CPNE3: variants seen among roughly 807,000 people sequenced by gnomAD.
The protein encoded by CPNE3 is copine-3.
CPNE3 carries 68 observed loss-of-function variants against 63.9 expected under a neutral mutation model. The observed-to-expected ratio is 1.06, with a 90% CI of 0.87 to 1.30. The LOEUF (loss-of-function observed/expected upper bound fraction) is 1.30. Among genes scored for constraint, CPNE3 ranks in the 50% most tolerant of loss-of-function variants. CPNE3 has a pLI of 0.00. For synonymous variants in CPNE3, 219 were observed against 197.5 expected (o/e 1.11, Z -0.91); for missense variants, 665 against 578.1 (o/e 1.15, Z -1.54).
intron 1 of CPNE3, 153 bp downstream of exon 1, chr8:86,514,694 G>C (rs1193299478): frequency 6.6e-6 from 1 of 152,206 alleles, no homozygotes; most frequent in Non-Finnish European, 1.5e-5. Context: ...GAAGTGCTCC[G>C]TGGGCTTCGC....
chr8:86,514,752 G>C (rs543757179), intron 1 of CPNE3: 1 of 152,248 alleles, frequency 6.6e-6, no homozygotes, highest in South Asian at 2.1e-4. Flanking sequence ...GCTAGGTCGC[G>C]GCCTGGCTGG....
At chr8:86,537,777 C>A (rs559903216) in intron 7 of CPNE3, 131 bp downstream of exon 7, 24 of 625,322 alleles carry the variant, frequency 3.8e-5, no homozygotes, top group Non-Finnish European at 6.2e-5. Flanking sequence ...GACACAAGAT[C>A]ACCATGTTCA....
Position 86,551,203 on chromosome 8 carries a change from G to A in CPNE3, c.1089G>A (p.Met363Ile). Reference protein sequence around the residue: ...PQWQVSHEFPMNFNPSNPYCN... With the variant: ...PQWQVSHEFPINFNPSNPYCN... The stretch of plus-strand genomic sequence containing the variant: ...GACAGGTATCACATGAATTTCCAAT[G>A]AACTTCAACCCATCCAATCCCTACT... Residue 363 changes from methionine to isoleucine, a missense_variant, in exon 14 of 17, where the codon ATG becomes ATA. Coordinates refer to ENST00000517490, the MANE Select transcript of CPNE3 (RefSeq NM_003909.5). 1 of 1,611,694 alleles carries A rather than the reference G, an allele frequency of 6.2e-7. No individual in the cohort carries two copies. The highest frequency in any genetic ancestry group is 8.5e-7 in the Non-Finnish European group (1 of 1,177,968).
intron 2 of CPNE3, among the ~76,000 whole-genome samples, chr8:86,517,208 C>T (rs142072793): frequency 9.9e-5 from 15 of 152,030 alleles, no homozygotes; most frequent in Non-Finnish European, 8.8e-5. Flanking sequence ...TTTTAAAAGA[C>T]ATTAAAATTC....
At chr8:86,545,027 C>T (rs1034078607) in intron 9 of CPNE3, 189 bp downstream of exon 9, 10 of 337,358 alleles carry the variant, frequency 3.0e-5, no homozygotes, top group African/African-American at 6.4e-5. Flanking sequence ...TTGAGCAGAA[C>T]ACCACGTAAC....
Position 86,558,344 on chromosome 8 carries a change from G to A in CPNE3, c.1548G>A (p.Val516=), listed in dbSNP as rs765478223. ...TGGCAGAGATTCCCCAGCAGGTGGTGGGCTACTTCAATACATACAAACTCC... is the reference window on the plus strand; with the variant it reads ...TGGCAGAGATTCCCCAGCAGGTGGTAGGCTACTTCAATACATACAAACTCC... ...CVLAEIPQQV[V]GYFNTYKLLP... is the part of the protein sequence containing the mutation. Residue 516 remains valine (V), a synonymous_variant, in exon 17 of 17, where the codon GTG becomes GTA. Coordinates refer to ENST00000517490, the MANE Select transcript of CPNE3 (RefSeq NM_003909.5). The A allele has an allele frequency of 9.2e-6, 8 of 872,814 alleles. No homozygotes were observed. The highest frequency in any genetic ancestry group is 3.4e-5 in the Admixed American group (2 of 59,168). 54.1% of individuals were successfully genotyped at this position (872,814 alleles called of 1,614,324 possible).
At chr8:86,532,766 C>T (rs1472673545) in intron 6 of CPNE3, among the ~76,000 whole-genome samples, 186 bp downstream of exon 6, 2 of 152,076 alleles carry the variant, frequency 1.3e-5, no homozygotes, top group Non-Finnish European at 2.9e-5. Context: ...TCACCTCTTT[C>T]ATCTAGATGT....
intron 14 of CPNE3, 134 bp from the exon 15 acceptor site, chr8:86,554,717 C>T: frequency 9.7e-7 from 1 of 1,027,312 alleles, no homozygotes; most frequent in Non-Finnish European, 1.4e-6. Context: ...CTTAGAGGAA[C>T]TACTGCTTAT....
At chr8:86,524,456 C>T (rs970754295) in intron 2 of CPNE3, among the ~76,000 whole-genome samples, 6 of 152,042 alleles carry the variant, frequency 3.9e-5, no homozygotes, top group Non-Finnish European at 7.4e-5. Context: ...TTTCAGAAGA[C>T]GTGTTTGGAT....
intron 8 of CPNE3, among the ~76,000 whole-genome samples, chr8:86,543,273 A>G (rs887289019): frequency 3.3e-5 from 5 of 152,288 alleles, no homozygotes; most frequent in African/African-American, 1.2e-4. Context: ...TCTTAAAAAA[A>G]TAAAATCCCT....
At chr8:86,516,125 G>C (rs1043952164) in intron 2 of CPNE3, among the ~76,000 whole-genome samples, 2 of 152,166 alleles carry the variant, frequency 1.3e-5, no homozygotes, top group Non-Finnish European at 2.9e-5. Flanking sequence ...TCTGGGACTG[G>C]ATCATTTTGA....
intron 8 of CPNE3, among the ~76,000 whole-genome samples, chr8:86,541,834 T>C (rs1820948603): frequency 6.6e-6 from 1 of 152,132 alleles, no homozygotes; most frequent in South Asian, 2.1e-4. Flanking sequence ...AAAATCCAGG[T>C]CCGAAATAAA....
intron 2 of CPNE3, among the ~76,000 whole-genome samples, chr8:86,516,986 CT>C (rs1820327925): frequency 6.6e-6 from 1 of 152,204 alleles, no homozygotes; most frequent in South Asian, 2.1e-4. Flanking sequence ...CTCAATGTCA[CT>C]TCCATTGGTG....
intron 5 of CPNE3, 66 bp from the exon 6 acceptor site, chr8:86,532,443 C>T (rs1820703343): frequency 1.8e-6 from 2 of 1,134,268 alleles, no homozygotes; most frequent in African/African-American, 3.1e-5. Context: ...CAGAATAAAT[C>T]AGTGCTTAAG....
intron 9 of CPNE3, chr8:86,545,414 A>C (rs969868359): frequency 6.6e-6 from 1 of 152,312 alleles, no homozygotes; most frequent in Non-Finnish European, 1.5e-5. Context: ...AGCAGGACCA[A>C]AGAGCACTTA....
At chr8:86,522,747 G>T (rs1820464012) in intron 2 of CPNE3, among the ~76,000 whole-genome samples, 1 of 151,972 alleles carries the variant, frequency 6.6e-6, no homozygotes, top group South Asian at 2.1e-4. Flanking sequence ...GTGAATCATG[G>T]TATTAGAACC....
At chr8:86,546,365 A>G (rs932103988) in intron 9 of CPNE3, among the ~76,000 whole-genome samples, 4 of 152,138 alleles carry the variant, frequency 2.6e-5, no homozygotes, top group African/African-American at 9.7e-5. Flanking sequence ...TTTGGGAGAA[A>G]TATTTTGAAA....
At position 86,515,443 on chromosome 8, in the gene CPNE3, ACT is replaced by A. The variant is rs1468030007; in HGVS notation, c.-48-16_-48-15del. The A allele has an allele frequency of 6.6e-6, 1 of 152,164 alleles. No individual in the cohort carries two copies. The highest frequency in any genetic ancestry group is 6.5e-5 in the Admixed American group (1 of 15,282). 9.4% of individuals were successfully genotyped at this position (152,164 alleles called of 1,614,324 possible). On this transcript the variant is annotated splice_polypyrimidine_tract_variant and intron_variant, in intron 1 of 16. Coordinates refer to ENST00000517490, the MANE Select transcript of CPNE3 (RefSeq NM_003909.5). ...CCCAAGCACTTATTAAAGTGATGTT[ACT>A]CTGTTTCATTCTCCAGGAAACTCAG...
At chr8:86,529,746 A>C (rs1820627639) in intron 4 of CPNE3, among the ~76,000 whole-genome samples, 1 of 152,208 alleles carries the variant, frequency 6.6e-6, no homozygotes, top group Admixed American at 6.5e-5. Context: ...TCCTAGGTTA[A>C]TCTGATTCAT....
Sources: gnomAD v4.1 joint callset for allele counts (sites outside exome capture counted in the v4.1 genomes callset) on GRCh38, gnomAD v4.1.1 for gene constraint, MANE v1.5 for transcripts, NCBI Gene and HGNC (gene_info 2026-07-23, HGNC 2026-07-21) for gene names.